Variants in NEUROD1 observed in about 807,000 individuals in gnomAD.
The protein encoded by NEUROD1 is neurogenic differentiation factor 1.
NEUROD1 carries 9 observed loss-of-function variants against 21.8 expected under a neutral mutation model. The observed-to-expected ratio is 0.41, with a 90% CI of 0.25 to 0.72. The LOEUF is 0.72. Ranked by LOEUF, NEUROD1 falls within the 30% of genes least tolerant of loss-of-function variation. The pLI, the probability that NEUROD1 is intolerant of heterozygous loss-of-function variation, is 0.31. For missense variants in NEUROD1, 434 were observed against 468.8 expected, an observed-to-expected ratio of 0.93 and a Z score of 0.69; for synonymous variants, 199 against 186.2, an observed-to-expected ratio of 1.07 and a Z score of -0.56.
downstream of NEUROD1, among the ~76,000 whole-genome samples, chr2:181,671,555 C>T (rs575985371): frequency 2.2e-4 from 34 of 151,930 alleles, no homozygotes; most frequent in Non-Finnish European, 3.5e-4. Context: ...CTGAGCCTCC[C>T]GAGTAGCTGG....
At position 181,678,017 on chromosome 2, in the gene NEUROD1, T is replaced by G. The variant is rs1688615951; in HGVS notation, c.844A>C (p.Asn282His). The change falls in exon 2 of 2, where the codon AAC (asparagine) becomes CAC (histidine). Residue 282 changes from asparagine to histidine, a missense_variant. Coordinates refer to ENST00000295108, the MANE Select transcript of NEUROD1 (RefSeq NM_002500.5). The surrounding 1 kb of genome is among the most constrained non-coding windows in gnomAD (Gnocchi z 5.5). Reference sequence around the variant, plus strand: ...GACGGTTCGTGTTTGAAAGAGAAGTTGCCATTGATGCTGAGCGGCGGGCTG... The same window carrying G: ...GACGGTTCGTGTTTGAAAGAGAAGTGGCCATTGATGCTGAGCGGCGGGCTG... ...PLSPPLSING[N>H]FSFKHEPSAE... The G allele has an allele frequency of 6.2e-7, 1 of 1,614,090 alleles. No homozygotes were observed. Among genetic ancestry groups the G allele is most frequent in the South Asian group, 1.1e-5 (1 of 91,082 alleles).
At chr2:181,675,777 T>C (rs1029645772), downstream of NEUROD1, among the ~76,000 whole-genome samples, 1 of 152,156 alleles carries the variant, frequency 6.6e-6, no homozygotes, top group African/African-American at 2.4e-5. Context: ...TACACCTTCC[T>C]AAATACAGTA....
rs369575066 is a variant in NEUROD1 at position 181,678,443 on chromosome 2, T to C, written c.418A>G (p.Ile140Val). The change falls in exon 2 of 2, where the codon ATC becomes GTC. Residue 140 changes from isoleucine (I) to valine (V), a missense_variant. Coordinates refer to ENST00000295108, the MANE Select transcript of NEUROD1 (RefSeq NM_002500.5). The surrounding 1 kb of genome is among the most constrained non-coding windows in gnomAD (Gnocchi z 5.5). ...CYSKTQKLSK[I>V]ETLRLAKNYI... The stretch of plus-strand genomic sequence containing the variant: ...TTCTTGGCCAAGCGCAGAGTCTCGA[T>C]TTTGGACAGCTTCTGCGTCTTAGAA... The C allele has an allele frequency of 4.5e-5, 72 of 1,614,080 alleles. No individual in the cohort carries two copies. Among genetic ancestry groups the C allele is most frequent in the Non-Finnish European group, 5.9e-5 (70 of 1,180,046 alleles).
At chr2:181,679,368 T>C (rs2105596637) in intron 1 of NEUROD1, among the ~76,000 whole-genome samples, 1 of 152,322 alleles carries the variant, frequency 6.6e-6, no homozygotes, top group African/African-American at 2.4e-5. Flanking sequence ...TTGCGTAATT[T>C]ACTAATACTG....
exon 2 of NEUROD1, among the ~76,000 whole-genome samples, chr2:181,671,379 T>C (rs972945580): frequency 6.6e-6 from 1 of 152,182 alleles, no homozygotes; most frequent in African/African-American, 2.4e-5. Context: ...ATTTAGGCAC[T>C]GGCTAGAATA....
downstream of NEUROD1, among the ~76,000 whole-genome samples, chr2:181,672,486 C>T (rs1688511997): frequency 1.3e-5 from 2 of 152,168 alleles, no homozygotes; most frequent in Admixed American, 6.5e-5. Flanking sequence ...GAAGAGACAA[C>T]TTTGTCTCTG....
In NEUROD1 at chr2:181,678,665, G is replaced by A; in HGVS notation, c.196C>T (p.Leu66=). Residue 66 remains leucine, a synonymous_variant, in exon 2 of 2, where the codon CTG becomes TTG. Coordinates refer to ENST00000295108, the MANE Select transcript of NEUROD1 (RefSeq NM_002500.5). The surrounding 1 kb of genome is among the most constrained non-coding windows in gnomAD (Gnocchi z 5.5). ...TCTTCCTCTTCTTCCTCCTCTTCCAGGTCCTCATCTTCGTCCTCCTCCTCT... is the reference window on the plus strand; with the variant it reads ...TCTTCCTCTTCTTCCTCCTCTTCCAAGTCCTCATCTTCGTCCTCCTCCTCT... ...GGEEEDEDED[L]EEEEEEEEED... The A allele has an allele frequency of 6.2e-7, 1 of 1,612,442 alleles. No homozygotes were observed. Among genetic ancestry groups the A allele is most frequent in the Non-Finnish European group, 8.5e-7 (1 of 1,179,216 alleles).
In NEUROD1 at chr2:181,670,391, G is replaced by A. The variant is rs78923245; in HGVS notation, n.3555C>T. ...GTCAGCTTGTTTAAATGTCAAACCC[G>A]ATACCAACTACGTATACTGGTTGTT... is the stretch of plus-strand genomic sequence containing the variant. On this transcript the variant is annotated non_coding_transcript_exon_variant, in exon 2 of 2. Transcript: ENST00000496876. Among the ~76,000 whole-genome samples the A allele has an allele frequency of 6.6e-3, 998 of 152,164 alleles. 11 individuals carry two copies. The highest frequency in any genetic ancestry group is 0.023 in the African/African-American group (953 of 41,514).
chr2:181,671,525 G>GTA (rs1171683591), downstream of NEUROD1, among the ~76,000 whole-genome samples: 1 of 151,702 alleles, frequency 6.6e-6, no homozygotes, highest in African/African-American at 2.4e-5. Context: ...GACCTCCCCA[G>GTA]GCTCAGGTGA....
chr2:181,675,494 A>T (rs12052558), downstream of NEUROD1, among the ~76,000 whole-genome samples: 14,838 of 152,230 alleles, frequency 0.097, 953 homozygotes, highest in East Asian at 0.19. Context: ...GGGGGTAGTC[A>T]TCCAATGTGG....
exon 2 of NEUROD1, among the ~76,000 whole-genome samples, chr2:181,670,591 A>C (rs532359724): frequency 6.6e-6 from 1 of 152,324 alleles, no homozygotes; most frequent in South Asian, 2.1e-4. Flanking sequence ...ACAGAAATGT[A>C]TTATATTACA....
chr2:181,670,109 C>G (rs1036273814), downstream of NEUROD1, among the ~76,000 whole-genome samples: 3 of 152,108 alleles, frequency 2.0e-5, no homozygotes, highest in Admixed American at 6.6e-5. Context: ...TTTGTTCTTT[C>G]AAAAGCTCTA....
downstream of NEUROD1, among the ~76,000 whole-genome samples, chr2:181,671,798 C>T (rs145496422): frequency 2.8e-3 from 431 of 152,194 alleles, 2 homozygotes; most frequent in African/African-American, 0.01. Context: ...TACTTAGTCA[C>T]GTACCTGCTA....
exon 2 of NEUROD1, among the ~76,000 whole-genome samples, chr2:181,670,872 G>A (rs1559133250): frequency 6.6e-6 from 1 of 152,108 alleles, no homozygotes; most frequent in Non-Finnish European, 1.5e-5. Context: ...AATCCAGCAT[G>A]AACTTGTATC....
In NEUROD1 at chr2:181,678,423, G is replaced by T; in HGVS notation, c.438C>A (p.Ala146=). 4 of 1,614,204 alleles carry T rather than the reference G, an allele frequency of 2.5e-6. No individual in the cohort carries two copies. Among genetic ancestry groups the T allele is most frequent in the Non-Finnish European group, 2.5e-6 (3 of 1,180,032 alleles). Residue 146 remains alanine, a synonymous_variant, in exon 2 of 2, where the codon GCC becomes GCA. Coordinates refer to ENST00000295108, the MANE Select transcript of NEUROD1 (RefSeq NM_002500.5). This position sits in a 1 kb window ranked among gnomAD's most constrained non-coding sequence, Gnocchi z 5.5. ...CCGACAGAGCCCAGATGTAGTTCTT[G>T]GCCAAGCGCAGAGTCTCGATTTTGG... is the stretch of plus-strand genomic sequence containing the variant. ...KLSKIETLRL[A]KNYIWALSEI... is the part of the protein sequence containing the mutation.
At chr2:181,672,710 A>G (rs1574085575), downstream of NEUROD1, among the ~76,000 whole-genome samples, 1 of 152,248 alleles carries the variant, frequency 6.6e-6, no homozygotes, top group Non-Finnish European at 1.5e-5. Context: ...GAATGAAGAA[A>G]GGAAGACAGG....
At chr2:181,670,236 A>G (rs1321902891), downstream of NEUROD1, among the ~76,000 whole-genome samples, 1 of 152,190 alleles carries the variant, frequency 6.6e-6, no homozygotes, top group Non-Finnish European at 1.5e-5. Flanking sequence ...CTTTAAAAAA[A>G]TTACCCATAG....
In NEUROD1 at chr2:181,677,883, G is replaced by A. The variant is rs184871420; in HGVS notation, c.978C>T (p.Cys326=). 7.4e-6 allele frequency: 12 copies of A among 1,614,190 alleles called. No individual in the cohort carries two copies. Among genetic ancestry groups the A allele is most frequent in the Non-Finnish European group, 9.3e-6 (11 of 1,180,038 alleles). Reference sequence around the variant, plus strand: ...ACATAATATTGTCTATGGGGATCTCGCAGCGAGGGGCAGCGGTGCCTGAGA... The same window carrying A: ...ACATAATATTGTCTATGGGGATCTCACAGCGAGGGGCAGCGGTGCCTGAGA... ...SIFSGTAAPR[C]EIPIDNIMSF... The change falls in exon 2 of 2, where the codon TGC becomes TGT. Residue 326 remains cysteine, a synonymous_variant. Coordinates refer to ENST00000295108, the MANE Select transcript of NEUROD1 (RefSeq NM_002500.5).
At chr2:181,668,880 A>G (rs983502771), downstream of NEUROD1, among the ~76,000 whole-genome samples, 2 of 152,166 alleles carry the variant, frequency 1.3e-5, no homozygotes, top group African/African-American at 2.4e-5. Flanking sequence ...CCTTAGAGAC[A>G]TTATTCTAAA....
Sources: allele counts gnomAD v4.1 joint callset (sites outside exome capture counted in the v4.1 genomes callset), GRCh38; gene constraint gnomAD v4.1.1; non-coding constraint Gnocchi (gnomAD v3.1); transcripts MANE v1.5; gene names NCBI Gene and HGNC (gene_info 2026-07-23, HGNC 2026-07-21).